Variants in NT5DC4 observed in about 807,000 individuals in gnomAD.
The protein encoded by NT5DC4 is 5'-nucleotidase domain containing 4.
In NT5DC4, 44 loss-of-function variants were observed where a neutral mutation model predicts 26.6. The observed-to-expected ratio is 1.65, with a 90% CI of 1.30 to 2.13. The LOEUF is 2.13. NT5DC4 is among the 30% of genes most tolerant of loss of function. NT5DC4 has a pLI of 0.00. For missense variants in NT5DC4, 399 were observed against 228.1 expected, an observed-to-expected ratio of 1.75 and a Z score of -4.83; for synonymous variants, 157 against 86.7, an observed-to-expected ratio of 1.81 and a Z score of -4.51.
At chr2:112,731,391 C>T (rs1247871251) in intron 16 of NT5DC4, 2 of 152,056 alleles carry the variant, frequency 1.3e-5, no homozygotes, top group Non-Finnish European at 2.9e-5. Context: ...CATGATGTCT[C>T]ATATCCAATT....
At chr2:112,730,308 C>A (rs1254099736) in intron 16 of NT5DC4, among the ~76,000 whole-genome samples, 1 of 23,756 alleles carries the variant, frequency 4.2e-5, no homozygotes, top group Non-Finnish European at 7.2e-5. Flanking sequence ...GAAAGACTGT[C>A]TCAAAAAAAA....
chr2:112,719,924 CTCTT>C (rs35714262), upstream of NT5DC4, among the ~76,000 whole-genome samples: 7,532 of 68,182 alleles, frequency 0.11, 449 homozygotes, highest in Non-Finnish European at 0.13. Context: ...TTCTTTCTTT[CTCTT>C]TCTTTCTTTC....
chr2:112,723,575 C>T, intron 8 of NT5DC4, 107 bp downstream of exon 8: 11 of 687,070 alleles, frequency 1.6e-5, no homozygotes, highest in Non-Finnish European at 3.0e-5. Context: ...GCTCTGCTCC[C>T]CGGATGGCTG....
intron 16 of NT5DC4, 55 bp downstream of exon 16, chr2:112,729,759 G>A (rs865901179): frequency 4.2e-6 from 3 of 716,456 alleles, no homozygotes; most frequent in Middle Eastern, 4.6e-4. Context: ...GGCTAGAGTA[G>A]TGGTTCCCAG....
chr2:112,720,796 G>A (rs969725143), upstream of NT5DC4, among the ~76,000 whole-genome samples: 1 of 152,184 alleles, frequency 6.6e-6, no homozygotes, highest in Admixed American at 6.5e-5. Context: ...AGGCCGCTGA[G>A]GTCCATGGAT....
chr2:112,742,788 A>G (rs1680058548), downstream of NT5DC4: 1 of 1,583,512 alleles, frequency 6.3e-7, no homozygotes, highest in African/African-American at 1.4e-5. Context: ...AAGGAAGAAA[A>G]CATACAAAAT....
intron 7 of NT5DC4, 61 bp from the exon 8 acceptor site, chr2:112,723,357 A>G (rs1369967068): frequency 1.5e-6 from 1 of 672,332 alleles, no homozygotes; most frequent in African/African-American, 2.1e-5. Flanking sequence ...GGGTGGGTAC[A>G]CATGCACACA....
chr2:112,729,399 G>T (rs1229468739), intron 15 of NT5DC4, among the ~76,000 whole-genome samples: 1 of 152,270 alleles, frequency 6.6e-6, no homozygotes, highest in Non-Finnish European at 1.5e-5. Context: ...TGGGATTACA[G>T]GCGTGAGCCA....
At position 112,723,744 on chromosome 2, in the gene NT5DC4, A is replaced by C. The variant is rs1441734259; in HGVS notation, c.698A>C (p.Lys233Thr). The change falls in exon 9 of 17, where the codon AAG becomes ACG. Residue 233 changes from lysine to threonine, a missense_variant. By Grantham distance (78) the Lys-to-Thr change is moderately conservative. Transcript: ENST00000688554. ...KDPRLPILLG[K>T]MKEVGKVFLA... Reference sequence around the variant, plus strand: ...CCACGCCTCCCCATCCTGCTGGGGAAGATGAAGGAGGTTGGGAAAGTGTTT... The same window carrying C: ...CCACGCCTCCCCATCCTGCTGGGGACGATGAAGGAGGTTGGGAAAGTGTTT... The C allele has an allele frequency of 7.0e-6, 5 of 717,156 alleles. No individual in the cohort carries two copies. Among genetic ancestry groups the C allele is most frequent in the Middle Eastern group, 2.3e-4 (1 of 4,394 alleles). The allele number at this position is 717,156 out of a possible 1,614,324, so 44.4% of individuals were successfully genotyped here.
At chr2:112,740,594 T>C (rs568131854), downstream of NT5DC4, among the ~76,000 whole-genome samples, 223 of 152,248 alleles carry the variant, frequency 1.5e-3, no homozygotes, top group Non-Finnish European at 2.6e-3. Context: ...TGTCAGGACT[T>C]GCAGGAAAGG....
intron 16 of NT5DC4, among the ~76,000 whole-genome samples, chr2:112,733,055 G>A (rs1401214800): frequency 1.3e-5 from 2 of 152,100 alleles, no homozygotes; most frequent in Non-Finnish European, 2.9e-5. Context: ...TATTACTCTT[G>A]TAGAACTGCA....
At position 112,723,792 on chromosome 2, in the gene NT5DC4, A is replaced by G. The variant is rs974182077; in HGVS notation, c.746A>G (p.Asn249Ser). 3 of 716,656 alleles carry G rather than the reference A, an allele frequency of 4.2e-6. No individual in the cohort carries two copies. Among genetic ancestry groups the G allele is most frequent in the South Asian group, 3.0e-5 (2 of 67,570 alleles). 44.4% of individuals were successfully genotyped at this position (716,656 alleles called of 1,614,324 possible). Residue 249 changes from asparagine (N) to serine (S), a missense_variant, in exon 9 of 17, where the codon AAC (asparagine) becomes AGC (serine). Asn to Ser is a conservative substitution (Grantham distance 46). Coordinates refer to ENST00000688554, the MANE Select transcript of NT5DC4 (RefSeq NM_001393655.1). ...KVFLATNSSYNYTNAIMTYLF... is the reference protein window; with the variant it reads ...KVFLATNSSYSYTNAIMTYLF... ...TTTCTGGCCACCAACAGCAGCTACA[A>G]CTACACCAATGTGAGTATGTGTATG...
chr2:112,731,436 T>G (rs1678473317), intron 16 of NT5DC4: 1 of 152,170 alleles, frequency 6.6e-6, no homozygotes, highest in Admixed American at 6.5e-5. Flanking sequence ...AAATAGTTAT[T>G]TCTGTGCACT....
At chr2:112,720,415 T>C (rs939166785), upstream of NT5DC4, among the ~76,000 whole-genome samples, 11 of 152,164 alleles carry the variant, frequency 7.2e-5, no homozygotes, top group East Asian at 1.9e-3. Context: ...TCTTTCTGGA[T>C]GATCCAGGTC....
chr2:112,742,857 A>G (rs1680062433), downstream of NT5DC4: 1 of 829,332 alleles, frequency 1.2e-6, no homozygotes. Flanking sequence ...TACATGTTTT[A>G]TAATAAAAGT....
chr2:112,728,523 GCAT>G lies in NT5DC4; in HGVS notation c.1267-1097_1267-1095del, dbSNP rs140337318. ...TGCACGTGTCAGTCCTCCCAAGTTGGCATCATCATTTCCATTTGATAAGACGTA... is the reference window on the plus strand; with the variant it reads ...TGCACGTGTCAGTCCTCCCAAGTTGGCATCATTTCCATTTGATAAGACGTA... On this transcript the variant is annotated intron_variant, in intron 15 of 16. Transcript: ENST00000688554. Among the ~76,000 whole-genome samples the G allele has an allele frequency of 6.6e-3, 1,002 of 152,232 alleles. 9 individuals are homozygous for G. Among genetic ancestry groups the G allele is most frequent in the African/African-American group, 0.023 (951 of 41,526 alleles).
At chr2:112,724,676 C>T (rs1031644844) in intron 10 of NT5DC4, 105 bp from the exon 11 acceptor site, 225 of 669,582 alleles carry the variant, frequency 3.4e-4, no homozygotes, top group Middle Eastern at 7.0e-4. Context: ...AGGTCTCATC[C>T]AGCTGGGAGG....
chr2:112,723,318 C>T (rs979514040), intron 7 of NT5DC4, 100 bp from the exon 8 acceptor site: 8 of 699,180 alleles, frequency 1.1e-5, no homozygotes, highest in Non-Finnish European at 1.9e-5. Flanking sequence ...CAGAGCCGCC[C>T]ACTTTTCTCA....
At chr2:112,737,790 G>T (rs1270190655) in intron 16 of NT5DC4, 1 of 152,038 alleles carries the variant, frequency 6.6e-6, no homozygotes, top group Non-Finnish European at 1.5e-5. Context: ...CAGCCAACTG[G>T]TATATCCTTA....
Sources: allele counts gnomAD v4.1 joint callset (sites outside exome capture counted in the v4.1 genomes callset), GRCh38; gene constraint gnomAD v4.1.1; transcripts MANE v1.5; gene names NCBI Gene and HGNC (gene_info 2026-07-23, HGNC 2026-07-21).